MICU1: variants seen among roughly 807,000 people sequenced by gnomAD.
MICU1 encodes calcium uptake protein 1, mitochondrial.
MICU1 carries 45 observed loss-of-function variants against 56.8 expected under a neutral mutation model. That is an observed-to-expected ratio of 0.79 (90% CI 0.62 to 1.02). The LOEUF (loss-of-function observed/expected upper bound fraction) is 1.02. Among genes scored for constraint, MICU1 ranks in the 50% least tolerant of loss-of-function variants. The pLI, the probability that MICU1 is intolerant of heterozygous loss-of-function variation, is 0.00. For missense variants in MICU1, 504 were observed against 587.1 expected, an observed-to-expected ratio of 0.86 and a Z score of 1.46; for synonymous variants, 186 against 195.1, an observed-to-expected ratio of 0.95 and a Z score of 0.39.
At chr10:72,577,276 G>T (rs1332541825) in intron 1 of MICU1, among the ~76,000 whole-genome samples, 1 of 151,982 alleles carries the variant, frequency 6.6e-6, no homozygotes, top group African/African-American at 2.4e-5. Flanking sequence ...TTGGGAGGCC[G>T]AGGCAGGCAG....
At chr10:72,495,989 C>G (rs1866828073) in intron 6 of MICU1, among the ~76,000 whole-genome samples, 1 of 150,012 alleles carries the variant, frequency 6.7e-6, no homozygotes, top group East Asian at 2.0e-4. Context: ...TTTTTTGAGA[C>G]AAGGTCCTGC....
chr10:72,484,808 A>G (rs1355367245), intron 6 of MICU1, among the ~76,000 whole-genome samples: 1 of 152,220 alleles, frequency 6.6e-6, no homozygotes, highest in African/African-American at 2.4e-5. Flanking sequence ...TACCTACATT[A>G]GCAACAGAAG....
At chr10:72,611,314 AG>A (rs1841842627) in intron 1 of MICU1, among the ~76,000 whole-genome samples, 1 of 143,880 alleles carries the variant, frequency 7.0e-6, no homozygotes, top group Admixed American at 7.1e-5. Flanking sequence ...AAAAAAAAAA[AG>A]AAAGAAAGAA....
intron 8 of MICU1, among the ~76,000 whole-genome samples, chr10:72,426,108 T>C (rs1167411451): frequency 1.3e-5 from 2 of 152,062 alleles, no homozygotes; most frequent in African/African-American, 4.8e-5. Context: ...ACTTCCGCCT[T>C]CTGGGTTCAA....
intron 6 of MICU1, among the ~76,000 whole-genome samples, chr10:72,481,703 C>T (rs1479646005): frequency 3.3e-5 from 5 of 152,172 alleles, no homozygotes; most frequent in East Asian, 3.9e-4. Flanking sequence ...TGAGCCACAG[C>T]GCCCACCCTG....
intron 5 of MICU1, among the ~76,000 whole-genome samples, chr10:72,529,170 G>A (rs946935895): frequency 1.3e-5 from 2 of 152,050 alleles, no homozygotes; most frequent in African/African-American, 4.8e-5. Context: ...TAACATAAAG[G>A]AGGTGGAAAT....
chr10:72,465,308 TG>T (rs766649882), intron 8 of MICU1, among the ~76,000 whole-genome samples: 21 of 119,776 alleles, frequency 1.8e-4, no homozygotes, highest in African/African-American at 5.4e-4. Context: ...CATAGTTTTT[TG>T]TTTTTTTTTT....
At chr10:72,614,215 A>G (rs920812632) in intron 1 of MICU1, among the ~76,000 whole-genome samples, 6 of 151,646 alleles carry the variant, frequency 4.0e-5, no homozygotes, top group African/African-American at 1.5e-4. Context: ...TTAAATTTTA[A>G]AAAAAAAACA....
At chr10:72,385,172 C>G (rs754152801) in intron 10 of MICU1, among the ~76,000 whole-genome samples, 37 of 152,080 alleles carry the variant, frequency 2.4e-4, no homozygotes, top group Non-Finnish European at 4.9e-4. Context: ...GTGATTTCAG[C>G]AAGTCATTTC....
rs748089312 is a variant in MICU1 at position 72,407,925 on chromosome 10, T to C, written c.1180+4A>G. ...TCAAAAAAACACTTTTTGAGTTTCA[T>C]TACCTTTATCAAGAGATGCTCCAGC... On this transcript the variant is annotated splice_donor_region_variant and intron_variant, in intron 10 of 11. Transcript: ENST00000361114. 2.5e-6 allele frequency: 4 copies of C among 1,604,436 alleles called. No homozygotes were observed. The Admixed American group carries it at 5.0e-5, about 20-fold the overall frequency.
Position 72,580,515 on chromosome 10 carries a change from C to T in MICU1, c.-1-13721G>A, listed in dbSNP as rs1029870467. On this transcript the variant is annotated intron_variant, in intron 1 of 11. Transcript: ENST00000361114. ...ATTTTGAGACAGAGTCTCACATTGT[C>T]ACCCAGGCTGGAGTGCAAAGGCACG... 6.1e-4 allele frequency among the ~76,000 whole-genome samples: 93 copies of T among 152,222 alleles called. 1 individual carries two copies. Among genetic ancestry groups the T allele is most frequent in the South Asian group, 5.8e-3 (28 of 4,820 alleles).
intron 1 of MICU1, among the ~76,000 whole-genome samples, chr10:72,604,800 T>C (rs1460724562): frequency 6.6e-6 from 1 of 152,104 alleles, no homozygotes; most frequent in Non-Finnish European, 1.5e-5. Context: ...GAAAGTTAAG[T>C]GTATTACTCT....
At chr10:72,419,897 C>T (rs376051766) in intron 9 of MICU1, among the ~76,000 whole-genome samples, 1 of 152,112 alleles carries the variant, frequency 6.6e-6, no homozygotes, top group African/African-American at 2.4e-5. Context: ...TCCCATAATG[C>T]ACATGTGTCG....
chr10:72,524,543 T>C (rs962100242), intron 5 of MICU1, among the ~76,000 whole-genome samples: 2 of 152,238 alleles, frequency 1.3e-5, no homozygotes. Flanking sequence ...TATCAAATTC[T>C]CTGGGACTTG....
rs971596288 is a variant in MICU1 at position 72,418,029 on chromosome 10, G to C, written c.1071+5205C>G. Among the ~76,000 whole-genome samples the C allele has an allele frequency of 4.6e-5, 7 of 152,162 alleles. No homozygotes were observed. In the East Asian group the frequency reaches 1.3e-3, roughly 29 times the overall value. ...ATCCTTCTTCGCATGGCAGCAGGAA[G>C]AAGAATGAGTGCCTGGTGAAGGGGG... On this transcript the variant is annotated intron_variant, in intron 9 of 11. Transcript: ENST00000361114.
At chr10:72,421,941 T>C (rs1267959150) in intron 9 of MICU1, among the ~76,000 whole-genome samples, 1 of 152,162 alleles carries the variant, frequency 6.6e-6, no homozygotes, top group Non-Finnish European at 1.5e-5. Flanking sequence ...CTCAGGCCAC[T>C]CTCCTTTTTG....
intron 5 of MICU1, among the ~76,000 whole-genome samples, chr10:72,514,703 T>G (rs1420612057): frequency 2.0e-5 from 3 of 152,204 alleles, no homozygotes; most frequent in African/African-American, 7.2e-5. Context: ...CAATGCTTAC[T>G]TAGCAAGACC....
At chr10:72,548,205 A>C (rs541369887) in intron 4 of MICU1, among the ~76,000 whole-genome samples, 7 of 152,326 alleles carry the variant, frequency 4.6e-5, no homozygotes, top group African/African-American at 1.7e-4. Flanking sequence ...TGCAGCAGCA[A>C]CCTGAGCAAA....
chr10:72,368,386 A>C lies in MICU1; in HGVS notation c.1271-31T>G, dbSNP rs149949660. The C allele has an allele frequency of 1.5e-3, 2,439 of 1,601,568 alleles. 33 individuals carry two copies. The South Asian group carries it at 0.015, about 10-fold the overall frequency. On this transcript the variant is annotated intron_variant, in intron 11 of 11. Coordinates refer to ENST00000361114, the MANE Select transcript of MICU1 (RefSeq NM_001195518.2). ...GGAAGAGGCAAAAACAACAGGGATA[A>C]GTGTTGGCCTTGGAACAACACCACT...
Sources: allele counts gnomAD v4.1 joint callset (sites outside exome capture counted in the v4.1 genomes callset), GRCh38; gene constraint gnomAD v4.1.1; transcripts MANE v1.5; gene names NCBI Gene and HGNC (gene_info 2026-07-23, HGNC 2026-07-21).